The following PRPS2 variants were observed in gnomAD, a reference collection of about 807,000 sequenced individuals.
The protein encoded by PRPS2 is ribose-phosphate pyrophosphokinase 2.
For missense variants in PRPS2, 104 were observed against 271.5 expected (o/e 0.38, Z 4.34); for synonymous variants, 111 against 115.3 (o/e 0.96, Z 0.24).
At chrX:12,802,904 G>A (rs750823266) in intron 2 of PRPS2, among the ~76,000 whole-genome samples, 4 of 111,957 alleles carry the variant, frequency 3.6e-5, no homozygotes. Context: ...CAACCACGCA[G>A]AGGCAGGGCG....
At position 12,791,426 on chromosome X, in the gene PRPS2, C is replaced by G. The variant is rs1242241806; in HGVS notation, c.-72C>G. 1 of 1,135,890 alleles carries G rather than the reference C, an allele frequency of 8.8e-7. No homozygotes were observed. Among genetic ancestry groups the G allele is most frequent in the Non-Finnish European group, 1.2e-6 (1 of 851,019 alleles). 93.6% of individuals were successfully genotyped at this position (1,135,890 alleles called of 1,213,427 possible). On this transcript the variant is annotated 5_prime_UTR_variant, in exon 1 of 7. Transcript: ENST00000380668. Reference sequence around the variant, plus strand: ...TTCCCGCTCCCGCAGCAGCAGCCTCCCGCGTCGCTGTCGCTGTTGCCTCCG... The same window carrying G: ...TTCCCGCTCCCGCAGCAGCAGCCTCGCGCGTCGCTGTCGCTGTTGCCTCCG...
intron 4 of PRPS2, among the ~76,000 whole-genome samples, chrX:12,813,480 T>C (rs1335449909): frequency 1.8e-5 from 2 of 112,591 alleles, no homozygotes; most frequent in Non-Finnish European, 3.8e-5. Flanking sequence ...TTAGGTTTGA[T>C]GGGCAGTGCC....
Position 12,820,563 on chromosome X carries a change from G to A in PRPS2, c.705-81G>A, listed in dbSNP as rs148636550. 10,195 of 1,022,324 alleles carry A rather than the reference G, an allele frequency of 1.0e-2. 33 individuals carry two copies. Among genetic ancestry groups the A allele is most frequent in the Non-Finnish European group, 0.012 (8,780 of 761,859 alleles). 84.3% of individuals were successfully genotyped at this position (1,022,324 alleles called of 1,213,427 possible). ...ATTTTTCTTTTACGGAGCACACTTTGTGCTTTTACCATTCATACTAGGGGA... is the reference window on the plus strand; with the variant it reads ...ATTTTTCTTTTACGGAGCACACTTTATGCTTTTACCATTCATACTAGGGGA... On this transcript the variant is annotated intron_variant, in intron 5 of 6. Transcript: ENST00000380668.
intron 4 of PRPS2, among the ~76,000 whole-genome samples, chrX:12,818,732 G>A (rs1391244264): frequency 1.8e-5 from 2 of 112,071 alleles, no homozygotes; most frequent in Non-Finnish European, 3.8e-5. Context: ...TATACCTGTG[G>A]CATTGTCTTG....
intron 2 of PRPS2, among the ~76,000 whole-genome samples, chrX:12,802,167 T>C (rs1462144423): frequency 4.5e-5 from 5 of 111,750 alleles, no homozygotes; most frequent in Non-Finnish European, 9.4e-5. Context: ...CAAAATGTTT[T>C]CTTATTTGAG....
intron 2 of PRPS2, among the ~76,000 whole-genome samples, chrX:12,807,587 G>A (rs1407585866): frequency 9.0e-6 from 1 of 111,595 alleles, no homozygotes; most frequent in East Asian, 2.8e-4. Flanking sequence ...TAGAGATTCT[G>A]TTAGTAAATA....
In PRPS2 at chrX:12,799,399, GGTGTGT is replaced by G. The variant is rs1236435283; in HGVS notation, c.306+11_306+16del. On this transcript the variant is annotated intron_variant, in intron 2 of 6. Coordinates refer to ENST00000380668, the MANE Select transcript of PRPS2 (RefSeq NM_002765.5). ...AAGATAAAAAGGACAAGGTAGGAGA[GGTGTGT>G]GCCCTAGAAACCTGCTGTGGGCCAC... is the stretch of plus-strand genomic sequence containing the variant. 1.7e-6 allele frequency: 2 copies of G among 1,198,491 alleles called. No individual in the cohort carries two copies. Among genetic ancestry groups the G allele is most frequent in the African/African-American group, 3.5e-5 (2 of 56,730 alleles).
chrX:12,802,438 G>A, intron 2 of PRPS2, among the ~76,000 whole-genome samples: 1 of 111,912 alleles, frequency 8.9e-6, no homozygotes, highest in Non-Finnish European at 1.9e-5. Flanking sequence ...CTGCCTCCCA[G>A]GTTTAAGGAT....
intron 4 of PRPS2, among the ~76,000 whole-genome samples, chrX:12,813,878 A>C (rs1285898416): frequency 1.8e-5 from 2 of 111,424 alleles, no homozygotes; most frequent in African/African-American, 6.5e-5. Context: ...GGACTTTAAA[A>C]ACCTTCTTAC....
intron 6 of PRPS2, among the ~76,000 whole-genome samples, chrX:12,822,114 G>C (rs1357346372): frequency 8.9e-6 from 1 of 112,187 alleles, no homozygotes; most frequent in Non-Finnish European, 1.9e-5. Flanking sequence ...GGCACACTAT[G>C]GCTCGCAAGT....
intron 1 of PRPS2, among the ~76,000 whole-genome samples, chrX:12,796,683 T>C (rs983452100): frequency 4.5e-5 from 5 of 110,752 alleles, no homozygotes; most frequent in Non-Finnish European, 9.4e-5. Flanking sequence ...TCCTAAAAAT[T>C]ACCACGCTAT....
intron 2 of PRPS2, among the ~76,000 whole-genome samples, chrX:12,801,798 G>A (rs1399935003): frequency 8.9e-6 from 1 of 111,736 alleles, no homozygotes; most frequent in Non-Finnish European, 1.9e-5. Flanking sequence ...TGGTAGAGAC[G>A]AGGTTTCACC....
At chrX:12,816,173 A>G (rs1176065878) in intron 4 of PRPS2, among the ~76,000 whole-genome samples, 1 of 111,379 alleles carries the variant, frequency 9.0e-6, no homozygotes, top group Non-Finnish European at 1.9e-5. Flanking sequence ...TATAGTAATG[A>G]TTCCCTTTGC....
intron 4 of PRPS2, among the ~76,000 whole-genome samples, chrX:12,812,952 G>C (rs2042631186): frequency 9.0e-6 from 1 of 111,370 alleles, no homozygotes; most frequent in South Asian, 3.7e-4. Flanking sequence ...ATGTTATTTT[G>C]GCAGCTACTC....
chrX:12,807,265 G>C (rs1239017579), intron 2 of PRPS2, among the ~76,000 whole-genome samples: 1 of 111,604 alleles, frequency 9.0e-6, no homozygotes, highest in Non-Finnish European at 1.9e-5. Flanking sequence ...GCTGCCTGAA[G>C]CCTCCTTTAG....
chrX:12,812,299 G>A (rs1215443764), intron 4 of PRPS2, among the ~76,000 whole-genome samples: 1 of 111,909 alleles, frequency 8.9e-6, no homozygotes, highest in Non-Finnish European at 1.9e-5. Flanking sequence ...ATGTAACTGG[G>A]TTATAATAAC....
At position 12,810,014 on chromosome X, in the gene PRPS2, C is replaced by T; in HGVS notation, c.406-8C>T. The stretch of plus-strand genomic sequence containing the variant: ...ACCCTGCAACATGACACTCACTTCT[C>T]CCTTTAGGGATTCTTTGATATTCCT... On this transcript the variant is annotated splice_region_variant and splice_polypyrimidine_tract_variant and intron_variant, in intron 3 of 6. Coordinates refer to ENST00000380668, the MANE Select transcript of PRPS2 (RefSeq NM_002765.5). The T allele has an allele frequency of 8.4e-7, 1 of 1,195,286 alleles. No individual in the cohort carries two copies. The highest frequency in any genetic ancestry group is 1.1e-6 in the Non-Finnish European group (1 of 886,842).
chrX:12,821,861 A>G (rs1253789736), intron 6 of PRPS2, among the ~76,000 whole-genome samples: 1 of 112,170 alleles, frequency 8.9e-6, no homozygotes, highest in Non-Finnish European at 1.9e-5. Flanking sequence ...AAATAAGTCA[A>G]AAGGGTTTGA....
Position 12,820,544 on chromosome X carries a change from C to A in PRPS2, c.705-100C>A, listed in dbSNP as rs1362334230. The A allele has an allele frequency of 7.6e-6, 7 of 921,655 alleles. No individual in the cohort carries two copies. The African/African-American group carries it at 1.4e-4, about 18-fold the overall frequency. 76.0% of individuals were successfully genotyped at this position (921,655 alleles called of 1,213,427 possible). A position where few individuals can be genotyped will look rare whatever the true frequency, so the allele number is the denominator to read the frequency against. On this transcript the variant is annotated intron_variant, in intron 5 of 6. Coordinates refer to ENST00000380668, the MANE Select transcript of PRPS2 (RefSeq NM_002765.5). ...TGTGAGTGAAATTTGTTGCATTTTT[C>A]TTTTACGGAGCACACTTTGTGCTTT...
Sources: gnomAD v4.1 joint callset for allele counts (sites outside exome capture counted in the v4.1 genomes callset) on GRCh38, gnomAD v4.1.1 for gene constraint, MANE v1.5 for transcripts, NCBI Gene and HGNC (gene_info 2026-07-23, HGNC 2026-07-21) for gene names.